The following OPCML variants were observed in gnomAD, a reference collection of about 807,000 sequenced individuals.
OPCML encodes the protein opioid-binding protein/cell adhesion molecule.
Under a neutral mutation model 37.8 loss-of-function variants are expected in OPCML, and 13 were observed. The observed-to-expected ratio is 0.34, with a 90% CI of 0.22 to 0.55. The LOEUF is 0.55. Ranked by LOEUF, OPCML falls within the 20% of genes least tolerant of loss-of-function variation. OPCML has a pLI of 0.91. For synonymous variants in OPCML, 176 were observed against 168.8 expected (o/e 1.04, Z -0.33); for missense variants, 341 against 435.6 (o/e 0.78, Z 1.93).
intron 1 of OPCML, among the ~76,000 whole-genome samples, chr11:133,039,649 C>G (rs537493037): frequency 6.6e-6 from 1 of 152,232 alleles, no homozygotes; most frequent in South Asian, 2.1e-4. Context: ...CTCATGAATC[C>G]CAGTGGCCTC....
At chr11:132,925,732 T>C (rs1340444085) in intron 2 of OPCML, among the ~76,000 whole-genome samples, 1 of 152,170 alleles carries the variant, frequency 6.6e-6, no homozygotes, top group Non-Finnish European at 1.5e-5. Context: ...GTTTTTAAGG[T>C]AGTGGCCTTA....
chr11:133,032,539 C>T (rs1301422651), intron 1 of OPCML, among the ~76,000 whole-genome samples: 2 of 152,126 alleles, frequency 1.3e-5, no homozygotes, highest in African/African-American at 4.8e-5. Flanking sequence ...CTCAAATGTA[C>T]GATAGAATCT....
chr11:132,473,911 A>C (rs1009957375), intron 4 of OPCML, among the ~76,000 whole-genome samples: 3 of 152,132 alleles, frequency 2.0e-5, no homozygotes, highest in Non-Finnish European at 4.4e-5. Flanking sequence ...ATCCAAACAG[A>C]ACACTGTATT....
At chr11:132,797,341 T>C (rs975746508) in intron 2 of OPCML, among the ~76,000 whole-genome samples, 9 of 152,380 alleles carry the variant, frequency 5.9e-5, no homozygotes, top group Admixed American at 2.0e-4. Flanking sequence ...TTTGTCCCCA[T>C]CCCATTTTTT....
intron 4 of OPCML, among the ~76,000 whole-genome samples, chr11:132,528,297 G>A (rs2096314101): frequency 6.6e-6 from 1 of 151,818 alleles, no homozygotes; most frequent in Admixed American, 6.6e-5. Context: ...TGCTTACTTG[G>A]TTTCATGTTT....
rs887429179 is a variant in OPCML, at chr11:132,906,685, G to A, written c.146+36241C>T. Among the ~76,000 whole-genome samples, 6 of 152,304 alleles carry A rather than the reference G, an allele frequency of 3.9e-5. No individual in the cohort carries two copies. The South Asian group carries it at 1.2e-3, about 32-fold the overall frequency. On this transcript the variant is annotated intron_variant, in intron 2 of 7. Transcript: ENST00000524381. ...GTACAGGAAAGGAAAAGAGGGTACT[G>A]CCCTTGTTACGGGGCTGGAAAAACT...
chr11:133,474,682 A>G (rs1947196598), intron 1 of OPCML, among the ~76,000 whole-genome samples: 1 of 152,180 alleles, frequency 6.6e-6, no homozygotes, highest in African/African-American at 2.4e-5. Flanking sequence ...CTGGAGGAGC[A>G]TGGACCCGCA....
rs148026033 is a variant in OPCML, at chr11:133,044,092, G to T, written c.62-101082C>A. On this transcript the variant is annotated intron_variant, in intron 1 of 7. Coordinates refer to ENST00000524381, the MANE Select transcript of OPCML (RefSeq NM_001012393.5). Reference sequence around the variant, plus strand: ...CTATCCTATGGAGAGGATCAGGAAAGCCTTCCACAAGGGAGCCAGGTCTAA... The same window carrying T: ...CTATCCTATGGAGAGGATCAGGAAATCCTTCCACAAGGGAGCCAGGTCTAA... Among the ~76,000 whole-genome samples, 561 of 152,270 alleles carry T rather than the reference G, an allele frequency of 3.7e-3. 2 individuals are homozygous for T. Among genetic ancestry groups the T allele is most frequent in the Non-Finnish European group, 5.6e-3 (381 of 68,030 alleles).
intron 4 of OPCML, among the ~76,000 whole-genome samples, chr11:132,442,228 T>C (rs932187442): frequency 1.3e-5 from 2 of 152,212 alleles, no homozygotes; most frequent in African/African-American, 4.8e-5. Flanking sequence ...TTCTTTGTCA[T>C]TTCTAGATGC....
chr11:132,747,606 G>A (rs1188785774), intron 2 of OPCML, among the ~76,000 whole-genome samples: 1 of 152,140 alleles, frequency 6.6e-6, no homozygotes, highest in Non-Finnish European at 1.5e-5. Flanking sequence ...AATCAGCCCA[G>A]AGCCTCTTCC....
At chr11:133,011,973 T>G (rs1401781002) in intron 1 of OPCML, among the ~76,000 whole-genome samples, 1 of 152,216 alleles carries the variant, frequency 6.6e-6, no homozygotes, top group Non-Finnish European at 1.5e-5. Context: ...ATAGCTATGT[T>G]CTGTTATAGT....
At chr11:133,060,336 C>A (rs573275814) in intron 1 of OPCML, among the ~76,000 whole-genome samples, 1 of 152,282 alleles carries the variant, frequency 6.6e-6, no homozygotes, top group East Asian at 1.9e-4. Context: ...ATGATTCCTT[C>A]TGTCCTTCAT....
chr11:132,696,410 A>G (rs1031221182), intron 2 of OPCML, among the ~76,000 whole-genome samples: 3 of 152,310 alleles, frequency 2.0e-5, no homozygotes, highest in Admixed American at 6.5e-5. Flanking sequence ...AAGATAAACA[A>G]AGAAAACTGG....
At chr11:132,886,778 T>A (rs1235637189) in intron 2 of OPCML, among the ~76,000 whole-genome samples, 2 of 152,202 alleles carry the variant, frequency 1.3e-5, no homozygotes, top group South Asian at 4.1e-4. Context: ...CCCTGCAGCA[T>A]CTTTGGAAAT....
At chr11:133,493,138 A>G (rs1469831113) in intron 1 of OPCML, among the ~76,000 whole-genome samples, 4 of 152,198 alleles carry the variant, frequency 2.6e-5, no homozygotes, top group Non-Finnish European at 5.9e-5. Context: ...TGAGGAGCTC[A>G]TGACCTTGCC....
In OPCML at chr11:133,028,560, TGAGAGAGAGA is replaced by T. The variant is rs148115731; in HGVS notation, c.62-85560_62-85551del. On this transcript the variant is annotated intron_variant, in intron 1 of 7. Coordinates refer to ENST00000524381, the MANE Select transcript of OPCML (RefSeq NM_001012393.5). ...GTGTGTGTGTGTGTGTGTGTACATG[TGAGAGAGAGA>T]GAGAGAGAGAGAGATTCATGAATGA... Among the ~76,000 whole-genome samples, 6 of 146,648 alleles carry T rather than the reference TGAGAGAGAGA, an allele frequency of 4.1e-5. No homozygotes were observed. In the East Asian group the frequency reaches 6.0e-4, roughly 15 times the overall value.
chr11:132,447,521 G>T (rs2096058616), intron 4 of OPCML, among the ~76,000 whole-genome samples: 1 of 151,572 alleles, frequency 6.6e-6, no homozygotes, highest in African/African-American at 2.4e-5. Context: ...TGTTGCCCAG[G>T]CTGGTCTCGA....
intron 1 of OPCML, among the ~76,000 whole-genome samples, chr11:132,965,192 C>T (rs1168292327): frequency 6.6e-6 from 1 of 152,220 alleles, no homozygotes; most frequent in African/African-American, 2.4e-5. Flanking sequence ...CCAGCCTCAT[C>T]TTCCTCATCT....
intron 7 of OPCML, among the ~76,000 whole-genome samples, chr11:132,424,535 C>A (rs2095971574): frequency 6.6e-6 from 1 of 152,154 alleles, no homozygotes; most frequent in Non-Finnish European, 1.5e-5. Context: ...GGAAGCATAA[C>A]TGAGAAAACA....
Sources: gnomAD v4.1 joint callset for allele counts (sites outside exome capture counted in the v4.1 genomes callset) on GRCh38, gnomAD v4.1.1 for gene constraint, MANE v1.5 for transcripts, NCBI Gene and HGNC (gene_info 2026-07-23, HGNC 2026-07-21) for gene names.